Variants in FBXO28 observed in about 807,000 individuals in gnomAD.
FBXO28 encodes F-box only protein 28.
FBXO28 carries 8 observed loss-of-function variants against 38.1 expected under a neutral mutation model. That is an observed-to-expected ratio of 0.21 (90% CI 0.12 to 0.38). FBXO28 has a LOEUF of 0.38. FBXO28 is among the 10% of genes least tolerant of loss of function. The pLI, the probability that FBXO28 is intolerant of heterozygous loss-of-function variation, is 1.00. For synonymous variants in FBXO28, 168 were observed against 173.8 expected (o/e 0.97, Z 0.26); for missense variants, 345 against 460.6 (o/e 0.75, Z 2.30).
intron 3 of FBXO28, among the ~76,000 whole-genome samples, chr1:224,139,531 C>T (rs536243828): frequency 6.6e-6 from 1 of 151,806 alleles, no homozygotes; most frequent in African/African-American, 2.4e-5. Context: ...ATCACAAGAT[C>T]GAGAGATCGA....
intron 3 of FBXO28, among the ~76,000 whole-genome samples, chr1:224,144,915 T>A (rs1230564389): frequency 6.6e-6 from 1 of 152,156 alleles, no homozygotes; most frequent in Non-Finnish European, 1.5e-5. Flanking sequence ...AAAAATTGGA[T>A]ACATTATCTT....
intron 1 of FBXO28, among the ~76,000 whole-genome samples, chr1:224,114,930 T>G (rs1656611853): frequency 6.6e-6 from 1 of 152,096 alleles, no homozygotes; most frequent in African/African-American, 2.4e-5. Flanking sequence ...CAAACCCAGG[T>G]AGAGGTTCCG....
At chr1:224,119,130 T>TTTTC in intron 1 of FBXO28, among the ~76,000 whole-genome samples, 1 of 62,550 alleles carries the variant, frequency 1.6e-5, no homozygotes. Flanking sequence ...TTTTTTCTTT[T>TTTTC]TTTTCTTTTT....
chr1:224,139,767 T>TGC (rs76402775), intron 3 of FBXO28, among the ~76,000 whole-genome samples: 77 of 43,484 alleles, frequency 1.8e-3, no homozygotes, highest in South Asian at 6.0e-3. Flanking sequence ...CATGCATGCA[T>TGC]ACATACATAC....
intron 4 of FBXO28, among the ~76,000 whole-genome samples, chr1:224,155,078 A>G (rs1238199963): frequency 6.6e-6 from 1 of 152,206 alleles, no homozygotes; most frequent in Non-Finnish European, 1.5e-5. Flanking sequence ...TAAAAAACAA[A>G]TATACCAGAT....
intron 3 of FBXO28, among the ~76,000 whole-genome samples, chr1:224,144,410 G>A (rs1263538640): frequency 6.6e-6 from 1 of 152,080 alleles, no homozygotes; most frequent in Non-Finnish European, 1.5e-5. Context: ...GCAGCGAGAT[G>A]TGGTCATGCC....
At chr1:224,124,177 G>C (rs761943258) in intron 1 of FBXO28, among the ~76,000 whole-genome samples, 5 of 152,172 alleles carry the variant, frequency 3.3e-5, no homozygotes, top group Non-Finnish European at 5.9e-5. Context: ...TATAGCCTAT[G>C]TGTCTTGCAT....
At chr1:224,154,148 G>A (rs1359897916) in intron 4 of FBXO28, among the ~76,000 whole-genome samples, 2 of 152,118 alleles carry the variant, frequency 1.3e-5, no homozygotes, top group South Asian at 2.1e-4. Context: ...CGAACCTACC[G>A]AACATCATAG....
chr1:224,148,862 CT>C lies in FBXO28; in HGVS notation c.517-4279del, dbSNP rs1219606033. Among the ~76,000 whole-genome samples the C allele has an allele frequency of 3.1e-3, 3 of 966 alleles. No homozygotes were observed. The East Asian group carries it at 0.068, about 22-fold the overall frequency. 0.6% of individuals were successfully genotyped at this position (966 alleles called of 152,430 possible). A position where few individuals can be genotyped will look rare whatever the true frequency, so the allele number is the denominator to read the frequency against. The stretch of plus-strand genomic sequence containing the variant: ...TCCCTTACCTGTTGAAATTTACTTA[CT>C]AATGTCCTTCATTAGACCTACCCAG... On this transcript the variant is annotated intron_variant, in intron 3 of 4. Transcript: ENST00000366862.
At chr1:224,140,226 A>G (rs115261268) in intron 3 of FBXO28, among the ~76,000 whole-genome samples, 1,790 of 152,364 alleles carry the variant, frequency 0.012, 42 homozygotes, top group African/African-American at 0.041. Context: ...CAGTACAGAG[A>G]GCAAAATCAG....
chr1:224,159,785 C>T lies in FBXO28; in HGVS notation c.*2039C>T, dbSNP rs1657857196. 6.6e-6 allele frequency: 1 copy of T among 151,934 alleles called. No individual in the cohort carries two copies. The highest frequency in any genetic ancestry group is 2.4e-5 in the African/African-American group (1 of 41,350). The allele number at this position is 151,934 out of a possible 1,614,324, so 9.4% of individuals were successfully genotyped here. On this transcript the variant is annotated 3_prime_UTR_variant, in exon 5 of 5. Coordinates refer to ENST00000366862, the MANE Select transcript of FBXO28 (RefSeq NM_015176.4). ...CCGTATGCATCAAAGGGATACAGCC[C>T]CAGACTGTTTCTTTAATGGTCATTC...
intron 2 of FBXO28, among the ~76,000 whole-genome samples, chr1:224,133,020 G>A (rs891266975): frequency 6.6e-6 from 1 of 152,128 alleles, no homozygotes; most frequent in South Asian, 2.1e-4. Context: ...AGCAAACAAA[G>A]TATGATATAT....
chr1:224,116,117 C>G (rs1656638514), intron 1 of FBXO28, among the ~76,000 whole-genome samples: 1 of 152,078 alleles, frequency 6.6e-6, no homozygotes, highest in Non-Finnish European at 1.5e-5. Context: ...TACAACTGCC[C>G]ACCCCCAGGA....
intron 3 of FBXO28, among the ~76,000 whole-genome samples, chr1:224,149,790 A>C (rs997308360): frequency 3.9e-5 from 6 of 152,214 alleles, no homozygotes; most frequent in Non-Finnish European, 5.9e-5. Flanking sequence ...AGATGTTAAC[A>C]TGATTTAAAT....
intron 1 of FBXO28, among the ~76,000 whole-genome samples, 165 bp downstream of exon 1, chr1:224,114,561 A>T (rs913132849): frequency 1.1e-5 from 1 of 91,078 alleles, no homozygotes; most frequent in Non-Finnish European, 2.4e-5. Flanking sequence ...GTCAGTCAGC[A>T]GGAGTGGGCT....
chr1:224,148,545 C>G (rs1331071979), intron 3 of FBXO28, among the ~76,000 whole-genome samples: 1 of 151,788 alleles, frequency 6.6e-6, no homozygotes, highest in South Asian at 2.1e-4. Flanking sequence ...GCCTGTAGTC[C>G]CAGCTACTCG....
intron 3 of FBXO28, among the ~76,000 whole-genome samples, chr1:224,147,132 A>G (rs1473832099): frequency 1.3e-5 from 2 of 152,076 alleles, no homozygotes; most frequent in Non-Finnish European, 2.9e-5. Context: ...TATTTAGAGA[A>G]GAAAAACAAT....
chr1:224,154,890 G>A (rs7534791), intron 4 of FBXO28, among the ~76,000 whole-genome samples: 145,767 of 147,960 alleles, frequency 0.99, 71,827 homozygotes, highest in East Asian at 1. Context: ...AGGCATGAGA[G>A]TTACTTGAAC....
chr1:224,117,996 AATTAATTT>A (rs1188981061), intron 1 of FBXO28, among the ~76,000 whole-genome samples: 2,720 of 79,068 alleles, frequency 0.034, 84 homozygotes, highest in African/African-American at 0.091. Flanking sequence ...TTAATTAATT[AATTAATTT>A]ATTTATTTAT....
Sources: allele counts gnomAD v4.1 joint callset (sites outside exome capture counted in the v4.1 genomes callset), GRCh38; gene constraint gnomAD v4.1.1; transcripts MANE v1.5; gene names NCBI Gene and HGNC (gene_info 2026-07-23, HGNC 2026-07-21).